Variants in AHNAK observed in about 807,000 individuals in gnomAD.
AHNAK encodes AHNAK nucleoprotein.
In AHNAK, 23 loss-of-function variants were observed where a neutral mutation model predicts 37.8. That is an observed-to-expected ratio of 0.61 (90% CI 0.44 to 0.86). The LOEUF (loss-of-function observed/expected upper bound fraction) is 0.86. Ranked by LOEUF, AHNAK falls within the 40% of genes least tolerant of loss-of-function variation. The pLI is 0.00. For missense variants in AHNAK, 7,411 were observed against 7,319.4 expected, an observed-to-expected ratio of 1.01 and a Z score of -0.46; for synonymous variants, 2,481 against 2,636.3, an observed-to-expected ratio of 0.94 and a Z score of 1.80.
chr11:62,525,953 T>C lies in AHNAK; in HGVS notation c.8464A>G (p.Lys2822Glu). ...EGPEGKWKSPKFKMPEMHFKT... is the reference protein window; with the variant it reads ...EGPEGKWKSPEFKMPEMHFKT... ...AAATGCATCTCTGGCATCTTAAACT[T>C]TGGACTTTTCCACTTTCCTTCAGGT... The change falls in exon 5 of 5, where the codon AAG becomes GAG. Residue 2822 changes from lysine to glutamate, a missense_variant. By Grantham distance (56) the Lys-to-Glu change is moderately conservative (BLOSUM62 1). Transcript: ENST00000378024. 6.2e-7 allele frequency: 1 copy of C among 1,614,154 alleles called. No individual in the cohort carries two copies. Among genetic ancestry groups the C allele is most frequent in the Non-Finnish European group, 8.5e-7 (1 of 1,180,018 alleles).
At chr11:62,475,285 T>C (rs925194780) in intron 5 of AHNAK, among the ~76,000 whole-genome samples, 13 of 149,590 alleles carry the variant, frequency 8.7e-5, no homozygotes, top group African/African-American at 1.5e-4. Flanking sequence ...CCTGGGGCAA[T>C]AGAGCGAGAC....
chr11:62,479,223 A>C (rs3017091), intron 5 of AHNAK, among the ~76,000 whole-genome samples: 1 of 133,424 alleles, frequency 7.5e-6, no homozygotes, highest in Non-Finnish European at 1.5e-5. Context: ...GTTGGGGTAC[A>C]ATGGCACGAT....
intron 5 of AHNAK, among the ~76,000 whole-genome samples, chr11:62,436,747 T>C (rs1252850486): frequency 6.6e-6 from 1 of 151,504 alleles, no homozygotes; most frequent in East Asian, 1.9e-4. Context: ...CCATCCTGGC[T>C]AACACGGTGA....
At position 62,518,829 on chromosome 11, in the gene AHNAK, G is replaced by A; in HGVS notation, c.15588C>T (p.Ile5196=). 1 of 1,614,246 alleles carries A rather than the reference G, an allele frequency of 6.2e-7. No individual in the cohort carries two copies. The highest frequency in any genetic ancestry group is 8.5e-7 in the Non-Finnish European group (1 of 1,180,052). ...CTTTCAAGTTTACATTCACATCAGG[G>A]ATGGAGACTTGAGGGGCAGAAATGC... ...SFGISAPQVS[I]PDVNVNLKGP... The change falls in exon 5 of 5, where the codon ATC becomes ATT. Residue 5196 remains isoleucine (I), a synonymous_variant. Transcript: ENST00000378024.
At chr11:62,484,475 T>A (rs1040035302) in intron 5 of AHNAK, among the ~76,000 whole-genome samples, 22 of 152,174 alleles carry the variant, frequency 1.4e-4, no homozygotes, top group Non-Finnish European at 3.1e-4. Flanking sequence ...AGAGAAGATC[T>A]CTTGCGAGGT....
At chr11:62,468,662 A>C (rs553078389) in intron 5 of AHNAK, among the ~76,000 whole-genome samples, 42 of 152,304 alleles carry the variant, frequency 2.8e-4, no homozygotes, top group African/African-American at 9.6e-4. Flanking sequence ...CAGCATGATA[A>C]GGAAGTGTCC....
chr11:62,451,083 CTTTT>C (rs555597390), intron 5 of AHNAK, among the ~76,000 whole-genome samples: 1 of 140,236 alleles, frequency 7.1e-6, no homozygotes, highest in Non-Finnish European at 1.6e-5. Flanking sequence ...TTCCTGGAAT[CTTTT>C]TTTTTTTTTT....
At chr11:62,491,643 C>T (rs1939505621) in intron 5 of AHNAK, 7 of 1,307,344 alleles carry the variant, frequency 5.4e-6, no homozygotes, top group African/African-American at 1.5e-5. Context: ...GTGGCTTCCA[C>T]AGCCCAGGCA....
intron 5 of AHNAK, among the ~76,000 whole-genome samples, chr11:62,490,400 C>T (rs543021106): frequency 2.0e-5 from 3 of 151,828 alleles, no homozygotes; most frequent in East Asian, 1.9e-4. Flanking sequence ...AGGGTTTCAC[C>T]GTTTTGGCCA....
rs755920500 is a variant in AHNAK, at chr11:62,519,080, G to C, written c.15337C>G (p.Leu5113Val). 5.0e-6 allele frequency: 8 copies of C among 1,613,424 alleles called. No homozygotes were observed. Among genetic ancestry groups the C allele is most frequent in the Non-Finnish European group, 6.8e-6 (8 of 1,179,646 alleles). The change falls in exon 5 of 5, where the codon CTG (leucine) becomes GTG (valine). Residue 5113 changes from leucine (L) to valine (V), a missense_variant. Leu to Val is a conservative substitution (Grantham distance 32, BLOSUM62 1). Transcript: ENST00000378024. ...TCAGGTGCCTGGAGTTCACCCTCCAGTTTGGGGCTAGGGAGAGGGGCCTCA... is the reference window on the plus strand; with the variant it reads ...TCAGGTGCCTGGAGTTCACCCTCCACTTTGGGGCTAGGGAGAGGGGCCTCA... ...KAEAPLPSPK[L>V]EGELQAPDLE...
intron 5 of AHNAK, among the ~76,000 whole-genome samples, chr11:62,475,820 G>T (rs75971473): frequency 0.85 from 129,465 of 151,686 alleles, 56,944 homozygotes; most frequent in Non-Finnish European, 0.96. Flanking sequence ...GGCCAGGCTC[G>T]TCTCGAGCTC....
At position 62,517,165 on chromosome 11, in the gene AHNAK, C is replaced by A; in HGVS notation, c.17252G>T (p.Gly5751Val). 1.9e-6 allele frequency: 3 copies of A among 1,613,486 alleles called. No homozygotes were observed. The highest frequency in any genetic ancestry group is 1.7e-6 in the Non-Finnish European group (2 of 1,180,000). Reference protein sequence around the residue: ...GDLKSSKASLGSLEGEAEAEA... With the variant: ...GDLKSSKASLVSLEGEAEAEA... ...GGCCTCTGCCTCTCCTTCCAGAGAG[C>A]CCAGGCTGGCCTTTGAACTTTTCAG... Residue 5751 changes from glycine to valine, a missense_variant, in exon 5 of 5, where the codon GGC becomes GTC. Coordinates refer to ENST00000378024, the MANE Select transcript of AHNAK (RefSeq NM_001620.3).
At chr11:62,489,343 G>A (rs1042098771) in intron 5 of AHNAK, among the ~76,000 whole-genome samples, 3 of 152,100 alleles carry the variant, frequency 2.0e-5, no homozygotes, top group Non-Finnish European at 2.9e-5. Flanking sequence ...GAAGTGGTGC[G>A]GGCTGAGCCA....
In AHNAK at chr11:62,470,820, A is replaced by C. The variant is rs539678679; in HGVS notation, c.442+20912T>G. Among the ~76,000 whole-genome samples the C allele has an allele frequency of 4.8e-3, 728 of 151,922 alleles. 6 individuals carry two copies. The highest frequency in any genetic ancestry group is 0.016 in the African/African-American group (675 of 41,448). On this transcript the variant is annotated intron_variant, in intron 5 of 5. Coordinates refer to the AHNAK transcript ENST00000257247. ...TTTTTTCTTTCAGGGAAAAAAAAAA[A>C]CCAAAACTTCTAAACAGCCACATTG...
At chr11:62,490,820 TGTC>T (rs66500058) in intron 5 of AHNAK, among the ~76,000 whole-genome samples, 21,911 of 151,828 alleles carry the variant, frequency 0.14, 3,867 homozygotes, top group African/African-American at 0.42. Context: ...AATATCACTC[TGTC>T]GTCGCCCAGG....
chr11:62,518,598 G>A lies in AHNAK; in HGVS notation c.15819C>T (p.Leu5273=), dbSNP rs147951808. ...EGDLRGPDVK[L]EGPDVSLKGP... is the part of the protein sequence containing the mutation. ...CCTTTAGAGAAACATCGGGCCCTTC[G>A]AGCTTAACATCTGGTCCTCTCAAGT... Residue 5273 remains leucine (L), a synonymous_variant, in exon 5 of 5, where the codon CTC becomes CTT. Transcript: ENST00000378024. 1.4e-4 allele frequency: 226 copies of A among 1,614,048 alleles called. No individual in the cohort carries two copies. The highest frequency in any genetic ancestry group is 2.9e-4 in the African/African-American group (22 of 74,916).
intron 4 of AHNAK, among the ~76,000 whole-genome samples, chr11:62,495,682 T>C (rs1160869435): frequency 6.7e-6 from 1 of 148,330 alleles, no homozygotes; most frequent in Non-Finnish European, 1.5e-5. Flanking sequence ...GAGGTTGCAG[T>C]GAGCCGAGAT....
chr11:62,528,953 C>CA lies in AHNAK; in HGVS notation c.5463dup (p.Val1822CysfsTer9), dbSNP rs761584171. 6.2e-7 allele frequency: 1 copy of CA among 1,614,206 alleles called. No individual in the cohort carries two copies. The highest frequency in any genetic ancestry group is 1.1e-5 in the South Asian group (1 of 91,086). ...TCAACATCGGGCACCTCCGCTTCCA[C>CA]AAAAGGACCTTTGACATCAACTTGC... On this transcript the variant is annotated frameshift_variant, in exon 5 of 5. Coordinates refer to ENST00000378024, the MANE Select transcript of AHNAK (RefSeq NM_001620.3). LOFTEE classifies it low-confidence loss of function (END_TRUNC).
chr11:62,546,243 G>A (rs925605330), intron 1 of AHNAK, among the ~76,000 whole-genome samples: 19 of 152,190 alleles, frequency 1.2e-4, no homozygotes, highest in Non-Finnish European at 2.8e-4. Flanking sequence ...GGGGGCCGCG[G>A]TGGCGATCTC....
Sources: gnomAD v4.1 joint callset for allele counts (sites outside exome capture counted in the v4.1 genomes callset) on GRCh38, gnomAD v4.1.1 for gene constraint, MANE v1.5 for transcripts, NCBI Gene and HGNC (gene_info 2026-07-23, HGNC 2026-07-21) for gene names.